Variants in ZNF575 observed in about 807,000 individuals in gnomAD.
ZNF575 encodes zinc finger protein 575.
ZNF575 carries 17 observed loss-of-function variants against 17.5 expected under a neutral mutation model. That is an observed-to-expected ratio of 0.97 (90% CI 0.66 to 1.45). The LOEUF is 1.45. Ranked by LOEUF, ZNF575 falls within the 40% of genes most tolerant of loss-of-function variation. ZNF575 has a pLI of 0.00. For missense variants in ZNF575, 352 were observed against 359.2 expected (o/e 0.98, Z 0.16); for synonymous variants, 146 against 158.3 (o/e 0.92, Z 0.58).
Position 43,533,409 on chromosome 19 carries a change from G to A in ZNF575, c.-307G>A, listed in dbSNP as rs1972368450. The A allele has an allele frequency of 6.6e-6, 1 of 152,170 alleles. No homozygotes were observed. The highest frequency in any genetic ancestry group is 2.1e-4 in the South Asian group (1 of 4,828). 9.4% of individuals were successfully genotyped at this position (152,170 alleles called of 1,614,324 possible). A position where few individuals can be genotyped will look rare whatever the true frequency, so the allele number is the denominator to read the frequency against. On this transcript the variant is annotated 5_prime_UTR_variant, in exon 1 of 4. Transcript: ENST00000314228. ...TCCCCCGACGCCGGACGCGCGCCGG[G>A]CGGGGCAGCTCCGCTGGTCCGAGGG... is the stretch of plus-strand genomic sequence containing the variant.
chr19:43,532,328 C>A (rs1972355409), upstream of ZNF575, among the ~76,000 whole-genome samples: 1 of 152,082 alleles, frequency 6.6e-6, no homozygotes, highest in South Asian at 2.1e-4. Context: ...CGTGCCTAGC[C>A]CCCGTCTAGT....
At chr19:43,534,124 T>G (rs1338079754) in intron 2 of ZNF575, 2 of 463,204 alleles carry the variant, frequency 4.3e-6, no homozygotes, top group Non-Finnish European at 7.7e-6. Flanking sequence ...GCTCCGCGCT[T>G]AAGACGGCCG....
rs1379148661 is a variant in ZNF575, at chr19:43,534,206, TGCCTCTG to T, written c.-86-128_-86-122del. Reference sequence around the variant, plus strand: ...CCCTGGGTTTAGATAGCGAAGGGACTGCCTCTGGCTTGAATTTGCATAGCCCCGCTCA... The same window carrying T: ...CCCTGGGTTTAGATAGCGAAGGGACTGCTTGAATTTGCATAGCCCCGCTCA... On this transcript the variant is annotated intron_variant, in intron 2 of 3. Transcript: ENST00000314228. The T allele has an allele frequency of 5.4e-5, 29 of 537,292 alleles. 1 individual carries two copies. The East Asian group carries it at 1.0e-3, about 19-fold the overall frequency. 33.3% of individuals were successfully genotyped at this position (537,292 alleles called of 1,614,324 possible).
chr19:43,536,023 G>A lies in ZNF575; in HGVS notation c.*336G>A. 3.2e-6 allele frequency: 1 copy of A among 312,034 alleles called. No individual in the cohort carries two copies. The highest frequency in any genetic ancestry group is 5.9e-5 in the South Asian group (1 of 16,866). 19.3% of individuals were successfully genotyped at this position (312,034 alleles called of 1,614,324 possible). A position where few individuals can be genotyped will look rare whatever the true frequency, so the allele number is the denominator to read the frequency against. On this transcript the variant is annotated 3_prime_UTR_variant, in exon 4 of 4. Transcript: ENST00000314228. Reference sequence around the variant, plus strand: ...GGCTCTCTTGTTAAAAGTTTAAACTGGTGTCTCCACTTTGGCCATATGACG... The same window carrying A: ...GGCTCTCTTGTTAAAAGTTTAAACTAGTGTCTCCACTTTGGCCATATGACG...
In ZNF575 at chr19:43,533,218, C is replaced by G. The variant is rs2599459; in HGVS notation, c.-498C>G. 0.16 allele frequency: 24,798 copies of G among 152,370 alleles called. 2,094 individuals are homozygous for G. The highest frequency in any genetic ancestry group is 0.19 in the Non-Finnish European group (13,013 of 68,092). 9.4% of individuals were successfully genotyped at this position (152,370 alleles called of 1,614,324 possible). A position where few individuals can be genotyped will look rare whatever the true frequency, so the allele number is the denominator to read the frequency against. ...CGCGCTTGCTCACGAACTTGCCTGC[C>G]TGGCTGGCGCACCCAGCCCCTCCTT... On this transcript the variant is annotated 5_prime_UTR_variant, in exon 1 of 4. Transcript: ENST00000314228.
chr19:43,535,309 G>C lies in ZNF575; in HGVS notation c.360G>C (p.Pro120=). The C allele has an allele frequency of 1.3e-6, 2 of 1,527,540 alleles. No individual in the cohort carries two copies. Among genetic ancestry groups the C allele is most frequent in the Non-Finnish European group, 1.8e-6 (2 of 1,138,404 alleles). The allele number at this position is 1,527,540 out of a possible 1,614,324, so 94.6% of individuals were successfully genotyped here. ...RLTHSGARPH[P]CPHCPKSFGH... Reference sequence around the variant, plus strand: ...CGCACAGCGGCGCCCGCCCGCACCCGTGCCCACACTGCCCGAAGTCCTTTG... The same window carrying C: ...CGCACAGCGGCGCCCGCCCGCACCCCTGCCCACACTGCCCGAAGTCCTTTG... The change falls in exon 4 of 4, where the codon CCG becomes CCC. Residue 120 remains proline (P), a synonymous_variant. Coordinates refer to ENST00000314228, the MANE Select transcript of ZNF575 (RefSeq NM_174945.3).
rs1229635908 is a variant in ZNF575, at chr19:43,533,788, C to G, written c.-194-7C>G. 6.6e-6 allele frequency: 1 copy of G among 152,554 alleles called. No individual in the cohort carries two copies. The highest frequency in any genetic ancestry group is 2.4e-5 in the African/African-American group (1 of 41,430). The allele number at this position is 152,554 out of a possible 1,614,324, so 9.5% of individuals were successfully genotyped here. On this transcript the variant is annotated splice_polypyrimidine_tract_variant and splice_region_variant and intron_variant, in intron 1 of 3. Coordinates refer to ENST00000314228, the MANE Select transcript of ZNF575 (RefSeq NM_174945.3). ...GCATGCCAGGTTCCTTCCGTATCTT[C>G]CTCCAGGTCCCCCCTCTATCCTCCA...
rs1442940948 is a variant in ZNF575 at position 43,536,041 on chromosome 19, A to G, written c.*354A>G. ...TTAAACTGGTGTCTCCACTTTGGCCATATGACGGTATCTAAGAAATTGAAA... is the reference window on the plus strand; with the variant it reads ...TTAAACTGGTGTCTCCACTTTGGCCGTATGACGGTATCTAAGAAATTGAAA... On this transcript the variant is annotated 3_prime_UTR_variant, in exon 4 of 4. Transcript: ENST00000314228. 7.3e-6 allele frequency: 2 copies of G among 275,088 alleles called. No individual in the cohort carries two copies. Among genetic ancestry groups the G allele is most frequent in the Non-Finnish European group, 1.4e-5 (2 of 144,544 alleles). The allele number at this position is 275,088 out of a possible 1,614,324, so 17.0% of individuals were successfully genotyped here. A position where few individuals can be genotyped will look rare whatever the true frequency, so the allele number is the denominator to read the frequency against.
rs2599460 is a variant in ZNF575 at position 43,533,502 on chromosome 19, G to A, written c.-214G>A. On this transcript the variant is annotated 5_prime_UTR_variant, in exon 1 of 4. Coordinates refer to ENST00000314228, the MANE Select transcript of ZNF575 (RefSeq NM_174945.3). ...GGGAGGAGCCGGAAGCCCCGCCCCC[G>A]GGGAGGGGCCGTCCTGCAGGTGAGG... 4,719 of 152,030 alleles carry A rather than the reference G, an allele frequency of 0.031. 196 individuals carry two copies. The highest frequency in any genetic ancestry group is 0.095 in the African/African-American group (3,927 of 41,368). The allele number at this position is 152,030 out of a possible 1,614,324, so 9.4% of individuals were successfully genotyped here.
upstream of ZNF575, among the ~76,000 whole-genome samples, chr19:43,532,316 A>ACCGTGCCTAGCCC (rs2146028872): frequency 6.6e-6 from 1 of 152,066 alleles, no homozygotes; most frequent in Admixed American, 6.5e-5. Flanking sequence ...GGCGTGAGCC[A>ACCGTGCCTAGCCC]CCGTGCCTAG....
chr19:43,533,566 A>C (rs1972372395), intron 1 of ZNF575, 45 bp downstream of exon 1: 1 of 152,070 alleles, frequency 6.6e-6, no homozygotes, highest in Admixed American at 6.5e-5. Context: ...TTGCAGGCTG[A>C]ATGCCAGAAT....
chr19:43,534,134 G>T, intron 2 of ZNF575: 2 of 470,804 alleles, frequency 4.2e-6, no homozygotes, highest in Non-Finnish European at 7.5e-6. Flanking sequence ...TAAGACGGCC[G>T]CTGAGTTAGT....
At position 43,535,857 on chromosome 19, in the gene ZNF575, C is replaced by T. The variant is rs914642934; in HGVS notation, c.*170C>T. ...GCTCAGAAGCCCGAGGAACTCTTTG[C>T]TCCCCTGCTTTGGGGAGATCTCAAA... On this transcript the variant is annotated 3_prime_UTR_variant, in exon 4 of 4. Transcript: ENST00000314228. The T allele has an allele frequency of 6.8e-6, 5 of 739,930 alleles. No individual in the cohort carries two copies. Among genetic ancestry groups the T allele is most frequent in the Non-Finnish European group, 1.1e-5 (5 of 465,194 alleles). The allele number at this position is 739,930 out of a possible 1,614,324, so 45.8% of individuals were successfully genotyped here. A position where few individuals can be genotyped will look rare whatever the true frequency, so the allele number is the denominator to read the frequency against.
Position 43,535,659 on chromosome 19 carries a change from A to AG in ZNF575, c.712dup (p.Val238GlyfsTer31). On this transcript the variant is annotated frameshift_variant, in exon 4 of 4. Transcript: ENST00000314228. LOFTEE classifies it high-confidence loss of function. ...CTCCTTCATCAACGCAGCCACCACC[A>AG]GGTGGAGCACAAGGGGGAGAGAGAC... 3.7e-6 allele frequency: 6 copies of AG among 1,612,404 alleles called. No homozygotes were observed. Among genetic ancestry groups the AG allele is most frequent in the Non-Finnish European group, 5.1e-6 (6 of 1,179,512 alleles).
upstream of ZNF575, chr19:43,531,941 ACTTT>A: frequency 1.2e-5 from 2 of 173,026 alleles, no homozygotes; most frequent in Non-Finnish European, 1.1e-5. Context: ...ATTAAGCCAG[ACTTT>A]TTTTTTTTTT....
At position 43,535,522 on chromosome 19, in the gene ZNF575, G is replaced by C. The variant is rs1054688211; in HGVS notation, c.573G>C (p.Lys191Asn). ...CCAAGGCTTTCTCATTTCCCTCCAA[G>C]CTGGCCGCCCATCGCCTATGTCACG... ...HCPKAFSFPS[K>N]LAAHRLCHDP... The change falls in exon 4 of 4, where the codon AAG becomes AAC. Residue 191 changes from lysine to asparagine, a missense_variant. Physicochemically the swap from Lys to Asn is moderately conservative, Grantham distance 94. Transcript: ENST00000314228. 1 of 1,613,800 alleles carries C rather than the reference G, an allele frequency of 6.2e-7. No individual in the cohort carries two copies. The highest frequency in any genetic ancestry group is 1.3e-5 in the African/African-American group (1 of 74,902).
chr19:43,534,121 G>C (rs1368606331), intron 2 of ZNF575: 3 of 457,920 alleles, frequency 6.6e-6, no homozygotes, highest in Non-Finnish European at 1.2e-5. Flanking sequence ...CCGGCTCCGC[G>C]CTTAAGACGG....
chr19:43,535,303 G>C lies in ZNF575; in HGVS notation c.354G>C (p.Pro118=). 6 of 1,585,584 alleles carry C rather than the reference G, an allele frequency of 3.8e-6. No individual in the cohort carries two copies. Among genetic ancestry groups the C allele is most frequent in the Non-Finnish European group, 5.1e-6 (6 of 1,169,128 alleles). The change falls in exon 4 of 4, where the codon CCG becomes CCC. Residue 118 remains proline, a synonymous_variant. Transcript: ENST00000314228. ...AHRLTHSGAR[P]HPCPHCPKSF... is the part of the protein sequence containing the mutation. ...GCCTCACGCACAGCGGCGCCCGCCC[G>C]CACCCGTGCCCACACTGCCCGAAGT...
Sources: allele counts gnomAD v4.1 joint callset (sites outside exome capture counted in the v4.1 genomes callset), GRCh38; gene constraint gnomAD v4.1.1; transcripts MANE v1.5; gene names NCBI Gene and HGNC (gene_info 2026-07-23, HGNC 2026-07-21).